Variants in NME8 observed in about 807,000 individuals in gnomAD.
The protein encoded by NME8 is protein NME8.
In NME8, 72 loss-of-function variants were observed where a neutral mutation model predicts 82.3. The ratio of observed to expected loss-of-function variants is 0.87; its 90% confidence interval spans 0.72 to 1.06. NME8 has a LOEUF of 1.06. NME8 is among the 50% of genes least tolerant of loss of function. The pLI, the probability that NME8 is intolerant of heterozygous loss-of-function variation, is 0.00. For missense variants in NME8, 712 were observed against 685.4 expected, an observed-to-expected ratio of 1.04 and a Z score of -0.43; for synonymous variants, 267 against 228.5, an observed-to-expected ratio of 1.17 and a Z score of -1.52.
At chr7:37,897,170 AAACC>A in intron 17 of NME8, 63 bp downstream of exon 17, 1 of 1,020,208 alleles carries the variant, frequency 9.8e-7, no homozygotes, top group Non-Finnish European at 1.5e-6. Context: ...AGGCTAGGAC[AAACC>A]TGTCCTAAAA....
chr7:37,854,536 C>T (rs74567778), intron 5 of NME8, among the ~76,000 whole-genome samples: 2,412 of 152,258 alleles, frequency 0.016, 142 homozygotes, highest in Admixed American at 0.11. Flanking sequence ...AATCCTTCTT[C>T]CACCATTTGC....
intron 6 of NME8, among the ~76,000 whole-genome samples, chr7:37,861,222 G>T (rs1784593328): frequency 6.6e-6 from 1 of 152,176 alleles, no homozygotes; most frequent in South Asian, 2.1e-4. Flanking sequence ...CGCACAGTTT[G>T]GCTTCTCCTG....
intron 6 of NME8, 152 bp from the exon 7 acceptor site, chr7:37,861,876 C>A: frequency 1.4e-6 from 1 of 723,960 alleles, no homozygotes. Context: ...GTATTAAGAC[C>A]TTACTGTAAA....
intron 6 of NME8, among the ~76,000 whole-genome samples, chr7:37,859,109 T>G (rs1717174774): frequency 6.6e-6 from 1 of 152,166 alleles, no homozygotes; most frequent in Admixed American, 6.5e-5. Context: ...AAATTTTTCT[T>G]TACGAAGTTC....
chr7:37,867,650 G>T, intron 10 of NME8, 52 bp from the exon 11 acceptor site: 3 of 1,409,942 alleles, frequency 2.1e-6, no homozygotes, highest in Non-Finnish European at 2.0e-6. Flanking sequence ...CACCATTTTA[G>T]TCCATCCATT....
chr7:37,877,453 T>C (rs1784873226), intron 12 of NME8, among the ~76,000 whole-genome samples: 1 of 152,214 alleles, frequency 6.6e-6, no homozygotes, highest in African/African-American at 2.4e-5. Context: ...TCATCCCATA[T>C]TCTTATAGCA....
chr7:37,863,566 T>C (rs1784631110), intron 8 of NME8, 104 bp downstream of exon 8: 2 of 752,954 alleles, frequency 2.7e-6, no homozygotes, highest in Admixed American at 3.6e-5. Context: ...CCATGTTTAT[T>C]AAGGAGGAAT....
In NME8 at chr7:37,888,393, G is replaced by T; in HGVS notation, c.1364G>T (p.Gly455Val). The T allele has an allele frequency of 6.2e-7, 1 of 1,613,186 alleles. No homozygotes were observed. Among genetic ancestry groups the T allele is most frequent in the Non-Finnish European group, 8.5e-7 (1 of 1,179,524 alleles). Residue 455 changes from glycine (G) to valine (V), a missense_variant, in exon 15 of 18, where the codon GGC becomes GTC. Gly to Val is a moderately radical substitution (Grantham distance 109, BLOSUM62 -3). Transcript: ENST00000199447. ...QHFFPLQSTL[G>V]LIKPHATSEQ... Reference sequence around the variant, plus strand: ...TTCTTTCCTCTTCAAAGCACTTTAGGCTTGATTAAACCTCATGCAACAAGT... The same window carrying T: ...TTCTTTCCTCTTCAAAGCACTTTAGTCTTGATTAAACCTCATGCAACAAGT...
intron 17 of NME8, among the ~76,000 whole-genome samples, chr7:37,900,012 A>G (rs1225366478): frequency 1.3e-5 from 2 of 152,188 alleles, no homozygotes; most frequent in Non-Finnish European, 2.9e-5. Context: ...AATCTTACTC[A>G]CAAGTTAATA....
chr7:37,858,449 G>A (rs1176511309), intron 6 of NME8, among the ~76,000 whole-genome samples: 1 of 152,146 alleles, frequency 6.6e-6, no homozygotes, highest in Non-Finnish European at 1.5e-5. Context: ...TGAGGGGTCA[G>A]CTAACGTTGT....
In NME8 at chr7:37,896,869, G is replaced by C. The variant is rs1459639668; in HGVS notation, c.1545-1G>C. ...TCTTCTGAAAGCACCGTTCTTTGCA[G>C]GGGTCCATCTATGGTCATGATTCTG... On this transcript the variant is annotated splice_acceptor_variant, in intron 16 of 17. Transcript: ENST00000199447. LOFTEE classifies it high-confidence loss of function. The C allele has an allele frequency of 6.2e-7, 1 of 1,613,230 alleles. No homozygotes were observed. Among genetic ancestry groups the C allele is most frequent in the East Asian group, 2.2e-5 (1 of 44,870 alleles).
At chr7:37,863,504 C>A in intron 8 of NME8, 42 bp downstream of exon 8, 1 of 1,128,218 alleles carries the variant, frequency 8.9e-7, no homozygotes, top group Non-Finnish European at 1.4e-6. Context: ...GTTTTCTGTA[C>A]GTGGGCGGTC....
chr7:37,880,694 G>A (rs1784930705), intron 12 of NME8, among the ~76,000 whole-genome samples: 1 of 152,058 alleles, frequency 6.6e-6, no homozygotes, highest in African/African-American at 2.4e-5. Context: ...TGGGCTTTTG[G>A]TTGGGATTGT....
intron 9 of NME8, among the ~76,000 whole-genome samples, chr7:37,865,170 T>G (rs1784658650): frequency 6.6e-6 from 1 of 152,194 alleles, no homozygotes; most frequent in Non-Finnish European, 1.5e-5. Flanking sequence ...GCATCTCATC[T>G]GAGACAAGGC....
At chr7:37,878,909 CTT>C (rs2131961898) in intron 12 of NME8, among the ~76,000 whole-genome samples, 2 of 152,158 alleles carry the variant, frequency 1.3e-5, no homozygotes, top group East Asian at 3.9e-4. Flanking sequence ...AAGTTTCACT[CTT>C]TATTTTGTTC....
At position 37,862,020 on chromosome 7, in the gene NME8, C is replaced by T. The variant is rs1333522555; in HGVS notation, c.271-8C>T. The T allele has an allele frequency of 2.5e-6, 4 of 1,588,094 alleles. No individual in the cohort carries two copies. The highest frequency in any genetic ancestry group is 1.1e-5 in the South Asian group (1 of 90,556). ...AAAGTTCCCCTCCTGTTTTCATTTC[C>T]CTTATAGAATGGCAAAATTATCGAA... On this transcript the variant is annotated splice_region_variant and splice_polypyrimidine_tract_variant and intron_variant, in intron 6 of 17. Coordinates refer to ENST00000199447, the MANE Select transcript of NME8 (RefSeq NM_016616.5).
In NME8 at chr7:37,879,263, C is replaced by A. The variant is rs185937460; in HGVS notation, c.994+2256C>A. ...TCCCAGGTTCAAGAGATTCTCCTGC[C>A]TCAGTCTCCCAAGTAGCTGTGATTA... On this transcript the variant is annotated intron_variant, in intron 12 of 17. Coordinates refer to ENST00000199447, the MANE Select transcript of NME8 (RefSeq NM_016616.5). 4.6e-5 allele frequency among the ~76,000 whole-genome samples: 7 copies of A among 152,238 alleles called. No homozygotes were observed. In the East Asian group the frequency reaches 1.4e-3, roughly 29 times the overall value.
intron 11 of NME8, 147 bp from the exon 12 acceptor site, chr7:37,876,685 T>A: frequency 1.6e-6 from 1 of 625,894 alleles, no homozygotes; most frequent in Non-Finnish European, 2.8e-6. Flanking sequence ...TTGGATATAA[T>A]AGGGAGATGC....
chr7:37,891,618 G>A (rs959217885), intron 15 of NME8, among the ~76,000 whole-genome samples: 2 of 151,500 alleles, frequency 1.3e-5, no homozygotes, highest in Non-Finnish European at 1.5e-5. Context: ...CATTTTTATT[G>A]CAATATCTAT....
Sources: gnomAD v4.1 joint callset for allele counts (sites outside exome capture counted in the v4.1 genomes callset) on GRCh38, gnomAD v4.1.1 for gene constraint, MANE v1.5 for transcripts, NCBI Gene and HGNC (gene_info 2026-07-23, HGNC 2026-07-21) for gene names.